Variants in CRYBG1 observed in about 807,000 individuals in gnomAD.
CRYBG1 encodes the protein crystallin beta-gamma domain containing 1, also known as beta/gamma crystallin domain-containing protein 1.
CRYBG1 carries 139 observed loss-of-function variants against 189.2 expected under a neutral mutation model. That is an observed-to-expected ratio of 0.73 (90% CI 0.64 to 0.85). The LOEUF (loss-of-function observed/expected upper bound fraction) is 0.85, where lower values mean the gene tolerates loss of function less well. CRYBG1 is among the 40% of genes least tolerant of loss of function. The probability of loss-of-function intolerance (pLI) is 0.00; values close to 1 mark genes in which losing one functional copy is unlikely to be tolerated. For synonymous variants in CRYBG1, 1,023 were observed against 1,017.1 expected, an observed-to-expected ratio of 1.01 and a Z score of -0.11; for missense variants, 2,611 against 2,675.8, an observed-to-expected ratio of 0.98 and a Z score of 0.53.
Position 106,360,922 on chromosome 6 carries a change from C to A in CRYBG1, c.14C>A (p.Pro5Gln). Residue 5 changes from proline (P) to glutamine (Q), a missense_variant, in exon 1 of 22, where the codon CCG becomes CAG. Coordinates refer to ENST00000633556, the MANE Select transcript of CRYBG1 (RefSeq NM_001371242.2). MPLSPPAQGDPGEPS... is the reference protein window; with the variant it reads MPLSQPAQGDPGEPS... ...GAGGACAAGACGATGCCGCTGTCCC[C>A]GCCAGCCCAGGGCGACCCCGGGGAG... is the stretch of plus-strand genomic sequence containing the variant. 1 of 1,533,908 alleles carries A rather than the reference C, an allele frequency of 6.5e-7. No homozygotes were observed. Among genetic ancestry groups the A allele is most frequent in the Non-Finnish European group, 8.7e-7 (1 of 1,145,904 alleles).
At chr6:106,432,507 C>T (rs375919517) in intron 1 of CRYBG1, among the ~76,000 whole-genome samples, 1 of 107,596 alleles carries the variant, frequency 9.3e-6, no homozygotes, top group African/African-American at 2.9e-5. Flanking sequence ...TGACCCAGTA[C>T]CTACCCCCCA....
At chr6:106,564,056 G>A (rs762441346) in intron 21 of CRYBG1, 130 bp downstream of exon 21, 68 of 858,586 alleles carry the variant, frequency 7.9e-5, no homozygotes, top group Non-Finnish European at 1.1e-4. Flanking sequence ...CCTACTGTGT[G>A]CCAGCTGCTG....
intron 16 of CRYBG1, among the ~76,000 whole-genome samples, chr6:106,555,196 A>G (rs1774506397): frequency 6.8e-6 from 1 of 148,122 alleles, no homozygotes; most frequent in African/African-American, 2.4e-5. Flanking sequence ...AAAAAGGAAA[A>G]AAAAAAAAAA....
chr6:106,531,696 A>C (rs1362533725), intron 8 of CRYBG1, among the ~76,000 whole-genome samples: 1 of 152,182 alleles, frequency 6.6e-6, no homozygotes, highest in African/African-American at 2.4e-5. Flanking sequence ...AGACACCTAG[A>C]AAAAAGTTCA....
At chr6:106,464,548 A>C (rs1240676598) in intron 2 of CRYBG1, among the ~76,000 whole-genome samples, 1 of 151,976 alleles carries the variant, frequency 6.6e-6, no homozygotes, top group Admixed American at 6.5e-5. Flanking sequence ...AAGATCCCTA[A>C]ATAATGAGAA....
chr6:106,541,803 A>G (rs138479514), intron 10 of CRYBG1, among the ~76,000 whole-genome samples, 182 bp downstream of exon 10: 121 of 152,316 alleles, frequency 7.9e-4, no homozygotes, highest in Middle Eastern at 3.4e-3. Flanking sequence ...TACACTTGCC[A>G]TCCTTCAGGG....
At chr6:106,555,719 G>A (rs1240595288) in intron 16 of CRYBG1, 49 bp from the exon 17 acceptor site, 3 of 1,597,930 alleles carry the variant, frequency 1.9e-6, no homozygotes, top group South Asian at 2.2e-5. Context: ...TTGAATAGGA[G>A]TGCTCAAGTT....
At chr6:106,415,964 C>T (rs964329071) in intron 1 of CRYBG1, among the ~76,000 whole-genome samples, 1 of 152,060 alleles carries the variant, frequency 6.6e-6, no homozygotes, top group African/African-American at 2.4e-5. Context: ...TCCCCTTGCT[C>T]GAGCAAGCAG....
At chr6:106,564,111 G>A (rs181262674) in intron 21 of CRYBG1, among the ~76,000 whole-genome samples, 185 bp downstream of exon 21, 59 of 152,082 alleles carry the variant, frequency 3.9e-4, no homozygotes, top group African/African-American at 1.2e-3. Flanking sequence ...CTTCACAGCC[G>A]CCCTATGAGG....
At chr6:106,566,571 A>C (rs990384695) in intron 21 of CRYBG1, among the ~76,000 whole-genome samples, 3 of 140,614 alleles carry the variant, frequency 2.1e-5, no homozygotes, top group African/African-American at 8.1e-5. Context: ...TCCTGGGTTC[A>C]AGCAATTCTC....
chr6:106,558,477 C>T lies in CRYBG1; in HGVS notation c.5716-9C>T, dbSNP rs369841999. The T allele has an allele frequency of 1.9e-6, 3 of 1,568,094 alleles. No individual in the cohort carries two copies. The African/African-American group carries it at 4.1e-5, about 21-fold the overall frequency. On this transcript the variant is annotated splice_polypyrimidine_tract_variant and intron_variant, in intron 17 of 21. Transcript: ENST00000633556. ...TGAATAACAGAACATTGTTTTTGTT[C>T]CTCAACAGGAATTTTCTGAACCAAC...
chr6:106,387,622 G>A (rs560221112), intron 1 of CRYBG1, among the ~76,000 whole-genome samples: 1 of 152,256 alleles, frequency 6.6e-6, no homozygotes, highest in African/African-American at 2.4e-5. Flanking sequence ...TTCTATTGCT[G>A]TGTACAATTC....
rs1277047353 is a variant in CRYBG1, at chr6:106,412,327, T to C, written c.174-39367T>C. Among the ~76,000 whole-genome samples the C allele has an allele frequency of 2.6e-5, 4 of 152,264 alleles. No individual in the cohort carries two copies. In the East Asian group the frequency reaches 7.7e-4, roughly 29 times the overall value. The stretch of plus-strand genomic sequence containing the variant: ...TGATGGCTTGAGTTTCCTCTTCTTT[T>C]GCCACTTTAAAATTCTCTTTCTTGC... On this transcript the variant is annotated intron_variant, in intron 1 of 21. Coordinates refer to ENST00000633556, the MANE Select transcript of CRYBG1 (RefSeq NM_001371242.2).
At chr6:106,531,567 A>G (rs942067808) in intron 8 of CRYBG1, among the ~76,000 whole-genome samples, 1 of 152,232 alleles carries the variant, frequency 6.6e-6, no homozygotes, top group Non-Finnish European at 1.5e-5. Context: ...GGGAGTACTC[A>G]GGTAGAGGAT....
At chr6:106,442,904 G>A (rs528595443) in intron 1 of CRYBG1, among the ~76,000 whole-genome samples, 9 of 152,292 alleles carry the variant, frequency 5.9e-5, no homozygotes, top group African/African-American at 1.7e-4. Context: ...GAAGGTGAAA[G>A]CACTTGAATA....
intron 2 of CRYBG1, among the ~76,000 whole-genome samples, chr6:106,509,488 G>A (rs1379747589): frequency 6.6e-6 from 1 of 152,104 alleles, no homozygotes; most frequent in East Asian, 1.9e-4. Flanking sequence ...ATCGTATGAC[G>A]TCGGGTACAA....
rs1289377187 is a variant in CRYBG1, at chr6:106,527,478, G to C, written c.4578+8G>C. The stretch of plus-strand genomic sequence containing the variant: ...ATCAGACATGTGGTTCAGGTAGGTT[G>C]TGGTAAATATGGATTTTATTTATTC... On this transcript the variant is annotated splice_region_variant and intron_variant, in intron 7 of 21. Transcript: ENST00000633556. 6.2e-7 allele frequency: 1 copy of C among 1,603,684 alleles called. No individual in the cohort carries two copies. Among genetic ancestry groups the C allele is most frequent in the Non-Finnish European group, 8.5e-7 (1 of 1,176,178 alleles).
chr6:106,373,544 TTGTC>T (rs1189731475), intron 1 of CRYBG1, among the ~76,000 whole-genome samples: 6 of 152,218 alleles, frequency 3.9e-5, no homozygotes, highest in Non-Finnish European at 5.9e-5. Flanking sequence ...TAAATAATCT[TTGTC>T]TTTAGTACCC....
intron 17 of CRYBG1, among the ~76,000 whole-genome samples, chr6:106,558,040 T>C (rs1302864757): frequency 6.6e-6 from 1 of 152,008 alleles, no homozygotes; most frequent in Non-Finnish European, 1.5e-5. Context: ...TGAAAATACA[T>C]ACAAGAGGAA....
Sources: gnomAD v4.1 joint callset for allele counts (sites outside exome capture counted in the v4.1 genomes callset) on GRCh38, gnomAD v4.1.1 for gene constraint, MANE v1.5 for transcripts, NCBI Gene and HGNC (gene_info 2026-07-23, HGNC 2026-07-21) for gene names.